MAGI1: variants seen among roughly 807,000 people sequenced by gnomAD.
MAGI1 encodes membrane associated guanylate kinase, WW and PDZ domain containing 1.
MAGI1 carries 58 observed loss-of-function variants against 139.9 expected under a neutral mutation model. The observed-to-expected ratio is 0.41, with a 90% CI of 0.34 to 0.52. The LOEUF is 0.52. Ranked by LOEUF, MAGI1 falls within the 20% of genes least tolerant of loss-of-function variation. The pLI, the probability that MAGI1 is intolerant of heterozygous loss-of-function variation, is 0.12. For synonymous variants in MAGI1, 812 were observed against 737.9 expected (o/e 1.10, Z -1.63); for missense variants, 1,874 against 1,901.6 (o/e 0.99, Z 0.27).
Position 65,383,587 on chromosome 3 carries a change from C to A in MAGI1, c.2453G>T (p.Arg818Ile), listed in dbSNP as rs1181999915. ...DYQEQDIFLW[R>I]KETGFGFRIL... ...CCTAAATCCAAATCCAGTCTCTTTTCTCCAGAGGAAGATGTCCTGTTCCTG... is the reference window on the plus strand; with the variant it reads ...CCTAAATCCAAATCCAGTCTCTTTTATCCAGAGGAAGATGTCCTGTTCCTG... Residue 818 changes from arginine (R) to isoleucine (I), a missense_variant, in exon 15 of 23, where the codon AGA (arginine) becomes ATA (isoleucine). Physicochemically the swap from Arg to Ile is moderately conservative, Grantham distance 97. Transcript: ENST00000402939. The A allele has an allele frequency of 1.9e-6, 3 of 1,613,842 alleles. No individual in the cohort carries two copies. Among genetic ancestry groups the A allele is most frequent in the Admixed American group, 3.3e-5 (2 of 59,996 alleles).
intron 13 of MAGI1, among the ~76,000 whole-genome samples, chr3:65,394,557 T>C (rs1944229687): frequency 6.6e-6 from 1 of 152,244 alleles, no homozygotes; most frequent in African/African-American, 2.4e-5. Context: ...AACCTCATTC[T>C]ATGTTCCTTC....
intron 1 of MAGI1, among the ~76,000 whole-genome samples, chr3:65,823,400 C>G (rs892600305): frequency 6.6e-6 from 1 of 152,164 alleles, no homozygotes; most frequent in Non-Finnish European, 1.5e-5. Context: ...TTCCAGTGCC[C>G]AGCACAGTTC....
chr3:65,749,261 T>C (rs2035946955), intron 1 of MAGI1, among the ~76,000 whole-genome samples: 1 of 152,164 alleles, frequency 6.6e-6, no homozygotes, highest in Non-Finnish European at 1.5e-5. Flanking sequence ...ATAAGAGCTG[T>C]TGTTACTGTT....
At chr3:66,018,272 G>C (rs574114199) in intron 1 of MAGI1, among the ~76,000 whole-genome samples, 7 of 152,260 alleles carry the variant, frequency 4.6e-5, no homozygotes, top group Non-Finnish European at 1.0e-4. Context: ...TACCACCAGG[G>C]GATGTAAAAG....
intron 12 of MAGI1, among the ~76,000 whole-genome samples, chr3:65,419,221 TACACAC>T (rs71102854): frequency 2.3e-5 from 2 of 86,272 alleles, no homozygotes; most frequent in Admixed American, 1.3e-4. Flanking sequence ...AACACATTCA[TACACAC>T]ACACACACAC....
chr3:65,956,959 G>A (rs978905094), intron 1 of MAGI1, among the ~76,000 whole-genome samples: 1 of 152,014 alleles, frequency 6.6e-6, no homozygotes, highest in African/African-American at 2.4e-5. Context: ...CCAAGATCAC[G>A]TCACTGCACT....
At chr3:65,962,305 T>A (rs2064478488) in intron 1 of MAGI1, among the ~76,000 whole-genome samples, 1 of 151,536 alleles carries the variant, frequency 6.6e-6, no homozygotes, top group Non-Finnish European at 1.5e-5. Context: ...GTATTTTTAG[T>A]AGAGACGGGG....
At chr3:65,783,700 G>A (rs914997709) in intron 1 of MAGI1, among the ~76,000 whole-genome samples, 11 of 148,084 alleles carry the variant, frequency 7.4e-5, no homozygotes, top group African/African-American at 2.2e-4. Context: ...GTTTTGCCAC[G>A]TTGCCCAGGC....
At chr3:65,817,957 A>T (rs1168950970) in intron 1 of MAGI1, among the ~76,000 whole-genome samples, 1 of 152,200 alleles carries the variant, frequency 6.6e-6, no homozygotes, top group African/African-American at 2.4e-5. Context: ...GACCATGGTA[A>T]CTAATTGTTC....
chr3:65,587,272 G>A (rs78863673), intron 2 of MAGI1, among the ~76,000 whole-genome samples: 2,555 of 152,132 alleles, frequency 0.017, 56 homozygotes, highest in Non-Finnish European at 0.024. Context: ...TATCTTAAAC[G>A]TGCTCAAAAC....
At chr3:65,791,388 GC>G (rs2108069278) in intron 1 of MAGI1, among the ~76,000 whole-genome samples, 1 of 152,272 alleles carries the variant, frequency 6.6e-6, no homozygotes, top group African/African-American at 2.4e-5. Context: ...ATATTCTTAA[GC>G]CTACAGCCTG....
chr3:65,812,468 T>TCTCTCTCTCACACACA (rs1176899313), intron 1 of MAGI1, among the ~76,000 whole-genome samples: 2 of 89,088 alleles, frequency 2.2e-5, no homozygotes, highest in African/African-American at 6.4e-5. Flanking sequence ...TCTCTCTCTC[T>TCTCTCTCTCACACACA]CACACACACA....
intron 1 of MAGI1, among the ~76,000 whole-genome samples, chr3:65,859,963 T>G (rs573362899): frequency 9.2e-5 from 14 of 151,606 alleles, no homozygotes; most frequent in African/African-American, 2.9e-4. Context: ...TGGCGCGATC[T>G]CGGCTCACTG....
At chr3:65,584,914 C>A (rs1266215662) in intron 2 of MAGI1, among the ~76,000 whole-genome samples, 1 of 152,188 alleles carries the variant, frequency 6.6e-6, no homozygotes, top group Admixed American at 6.5e-5. Context: ...CTGAACCCAA[C>A]AAGGACCCGC....
chr3:65,775,502 CAAAAAAAA>C (rs9311958), intron 1 of MAGI1, among the ~76,000 whole-genome samples: 20 of 36,604 alleles, frequency 5.5e-4, no homozygotes, highest in Admixed American at 2.3e-3. Flanking sequence ...CCCACTCTGC[CAAAAAAAA>C]AAAAAAAAAA....
intron 1 of MAGI1, among the ~76,000 whole-genome samples, chr3:65,775,154 A>C (rs2038268415): frequency 6.6e-6 from 1 of 152,152 alleles, no homozygotes. Context: ...AATATAACAA[A>C]GTATTTTCAG....
At chr3:65,538,661 G>T (rs1467437545) in intron 2 of MAGI1, among the ~76,000 whole-genome samples, 2 of 151,972 alleles carry the variant, frequency 1.3e-5, no homozygotes, top group African/African-American at 2.4e-5. Context: ...CTTCAATCAG[G>T]AAGGTCCACT....
chr3:65,799,889 A>G (rs1239909951), intron 1 of MAGI1, among the ~76,000 whole-genome samples: 1 of 152,228 alleles, frequency 6.6e-6, no homozygotes, highest in African/African-American at 2.4e-5. Flanking sequence ...AATATTCTTC[A>G]GCTGAGAAGA....
chr3:65,812,795 C>G (rs2041359799), intron 1 of MAGI1, among the ~76,000 whole-genome samples: 1 of 145,608 alleles, frequency 6.9e-6, no homozygotes, highest in South Asian at 2.2e-4. Context: ...ACCGCAACCT[C>G]CGCCTCCTGG....
Sources: gnomAD v4.1 joint callset for allele counts (sites outside exome capture counted in the v4.1 genomes callset) on GRCh38, gnomAD v4.1.1 for gene constraint, MANE v1.5 for transcripts, NCBI Gene and HGNC (gene_info 2026-07-23, HGNC 2026-07-21) for gene names.